The following TOX variants were observed in gnomAD, a reference collection of about 807,000 sequenced individuals.
TOX encodes the protein thymocyte selection associated high mobility group box.
Under a neutral mutation model 53.7 loss-of-function variants are expected in TOX, and 11 were observed. The observed-to-expected ratio is 0.20, with a 90% CI of 0.13 to 0.34. TOX has a LOEUF of 0.34. TOX is among the 10% of genes least tolerant of loss of function. TOX has a pLI of 1.00. For missense variants in TOX, 570 were observed against 664.6 expected, an observed-to-expected ratio of 0.86 and a Z score of 1.56; for synonymous variants, 225 against 245.3, an observed-to-expected ratio of 0.92 and a Z score of 0.77.
At chr8:59,051,339 C>T (rs527872263) in intron 1 of TOX, among the ~76,000 whole-genome samples, 2 of 152,186 alleles carry the variant, frequency 1.3e-5, no homozygotes, top group African/African-American at 4.8e-5. Context: ...CTAGAACAAT[C>T]CCTAAAACCT....
At chr8:58,881,723 C>CA (rs11316154) in intron 3 of TOX, among the ~76,000 whole-genome samples, 3,110 of 82,180 alleles carry the variant, frequency 0.038, 180 homozygotes, top group African/African-American at 0.1. Flanking sequence ...GATTCCATCT[C>CA]AAAAAAAAAA....
rs1805156066 is a variant in TOX at position 59,118,808 on chromosome 8, G to A, written c.102+78C>T. The A allele has an allele frequency of 2.5e-6, 3 of 1,212,458 alleles. No individual in the cohort carries two copies. The East Asian group carries it at 8.9e-5, about 36-fold the overall frequency. 75.1% of individuals were successfully genotyped at this position (1,212,458 alleles called of 1,614,324 possible). ...GACCGGCCTCCGCCAAGCCGGCCCC[G>A]CCGCGGCCCGGCCACCGCCGCTCCC... On this transcript the variant is annotated intron_variant, in intron 1 of 8. Coordinates refer to ENST00000361421, the MANE Select transcript of TOX (RefSeq NM_014729.3). The surrounding 1 kb of genome is among the most constrained non-coding windows in gnomAD (Gnocchi z 4.1).
At chr8:59,110,786 A>G (rs1805003178) in intron 1 of TOX, among the ~76,000 whole-genome samples, 1 of 151,986 alleles carries the variant, frequency 6.6e-6, no homozygotes, top group Admixed American at 6.6e-5. Context: ...CTGTACCTAC[A>G]GAGACCCCAT....
intron 1 of TOX, among the ~76,000 whole-genome samples, chr8:58,988,550 C>G (rs1484695053): frequency 6.6e-6 from 1 of 152,164 alleles, no homozygotes; most frequent in African/African-American, 2.4e-5. Context: ...ATTAACAAGT[C>G]ACATTTGTTA....
intron 3 of TOX, among the ~76,000 whole-genome samples, chr8:58,905,745 C>A (rs915969397): frequency 1.3e-5 from 2 of 152,168 alleles, no homozygotes. Context: ...TTTATACTGA[C>A]GGAAGTGTAG....
chr8:58,946,282 T>C (rs1043361325), intron 2 of TOX, among the ~76,000 whole-genome samples: 1 of 152,156 alleles, frequency 6.6e-6, no homozygotes, highest in African/African-American at 2.4e-5. Context: ...AGAAAAATAA[T>C]AAGCTTCCTC....
intron 3 of TOX, among the ~76,000 whole-genome samples, chr8:58,879,133 T>C (rs1811339837): frequency 6.7e-6 from 1 of 148,716 alleles, no homozygotes; most frequent in Non-Finnish European, 1.5e-5. Flanking sequence ...AGAAGGAAAA[T>C]GCATAAAATC....
In TOX at chr8:59,118,310, C is replaced by A. The variant is rs1245427096; in HGVS notation, c.102+576G>T. Among the ~76,000 whole-genome samples the A allele has an allele frequency of 6.6e-6, 1 of 152,238 alleles. No homozygotes were observed. Among genetic ancestry groups the A allele is most frequent in the Non-Finnish European group, 1.5e-5 (1 of 68,040 alleles). The stretch of plus-strand genomic sequence containing the variant: ...GTGCTCTGGCCCGCGGACCTGTGTC[C>A]GAACCCGGGCTCGGCTGCCGGAACC... On this transcript the variant is annotated intron_variant, in intron 1 of 8. Coordinates refer to ENST00000361421, the MANE Select transcript of TOX (RefSeq NM_014729.3). The surrounding 1 kb of genome is among the most constrained non-coding windows in gnomAD (Gnocchi z 4.1).
At position 58,965,894 on chromosome 8, in the gene TOX, GTTTTTTTTTTT is replaced by G. The variant is rs67045037; in HGVS notation, c.103-5897_103-5887del. 4.0e-4 allele frequency among the ~76,000 whole-genome samples: 20 copies of G among 49,630 alleles called. No homozygotes were observed. The East Asian group carries it at 4.8e-3, about 12-fold the overall frequency. The allele number at this position is 49,630 out of a possible 152,430, so 32.6% of individuals were successfully genotyped here. On this transcript the variant is annotated intron_variant, in intron 1 of 8. Transcript: ENST00000361421. ...GCCCAGTATAAGATTACGAGTCATC[GTTTTTTTTTTT>G]TTTTTTTTTTTTTTTTTTTTGGTAA...
chr8:58,807,795 G>C lies in TOX; in HGVS notation c.1545-12C>G. The C allele has an allele frequency of 6.2e-7, 1 of 1,614,016 alleles. No homozygotes were observed. Among genetic ancestry groups the C allele is most frequent in the East Asian group, 2.2e-5 (1 of 44,870 alleles). ...CCCTCTGCATGCCCCTGTAGGAAGAGAAAAAAGACAGTTCCTTGTTACAGG... is the reference window on the plus strand; with the variant it reads ...CCCTCTGCATGCCCCTGTAGGAAGACAAAAAAGACAGTTCCTTGTTACAGG... On this transcript the variant is annotated splice_polypyrimidine_tract_variant and intron_variant, in intron 8 of 8. Transcript: ENST00000361421.
intron 1 of TOX, among the ~76,000 whole-genome samples, chr8:59,030,188 A>G (rs1004988118): frequency 6.6e-6 from 1 of 152,188 alleles, no homozygotes; most frequent in African/African-American, 2.4e-5. Flanking sequence ...TAAACTGTCT[A>G]TTGTAGAGGT....
intron 2 of TOX, among the ~76,000 whole-genome samples, chr8:58,948,811 T>G (rs1812569076): frequency 6.6e-6 from 1 of 152,142 alleles, no homozygotes; most frequent in Admixed American, 6.5e-5. Flanking sequence ...ATAACCCATG[T>G]TAACTAGCTT....
At chr8:58,853,874 T>C (rs1056981326) in intron 3 of TOX, among the ~76,000 whole-genome samples, 1 of 152,190 alleles carries the variant, frequency 6.6e-6, no homozygotes, top group Non-Finnish European at 1.5e-5. Context: ...GAGGGTACCA[T>C]GAAAATTAGG....
intron 1 of TOX, among the ~76,000 whole-genome samples, chr8:59,045,564 A>C (rs1306625747): frequency 1.3e-5 from 2 of 152,198 alleles, no homozygotes; most frequent in Admixed American, 6.5e-5. Context: ...GGTCTGTAGA[A>C]TACAGCAAGG....
At chr8:59,109,784 C>T (rs1184967711) in intron 1 of TOX, among the ~76,000 whole-genome samples, 5 of 152,034 alleles carry the variant, frequency 3.3e-5, no homozygotes, top group East Asian at 1.9e-4. Context: ...TGGTAATCGC[C>T]GACGAAAACA....
chr8:58,878,928 GC>G (rs1399628444), intron 3 of TOX, among the ~76,000 whole-genome samples: 1 of 151,896 alleles, frequency 6.6e-6, no homozygotes, highest in Non-Finnish European at 1.5e-5. Flanking sequence ...AGGTGTGGTG[GC>G]GCAAACCTGT....
chr8:58,915,431 A>C (rs1167052900), intron 3 of TOX, among the ~76,000 whole-genome samples: 6 of 101,488 alleles, frequency 5.9e-5, no homozygotes, highest in African/African-American at 8.1e-5. Context: ...GGCACCCCCC[A>C]GCAGGGGCAC....
intron 1 of TOX, among the ~76,000 whole-genome samples, chr8:59,044,741 G>A (rs367577239): frequency 5.3e-5 from 8 of 152,130 alleles, no homozygotes; most frequent in Middle Eastern, 3.4e-3. Context: ...TCACACCTGC[G>A]TAAAGACTGG....
At chr8:59,025,596 A>G (rs1354870356) in intron 1 of TOX, among the ~76,000 whole-genome samples, 2 of 152,048 alleles carry the variant, frequency 1.3e-5, no homozygotes, top group African/African-American at 4.8e-5. Flanking sequence ...ACACCTACTG[A>G]TCACACCGCT....
Sources: allele counts gnomAD v4.1 joint callset (sites outside exome capture counted in the v4.1 genomes callset), GRCh38; gene constraint gnomAD v4.1.1; non-coding constraint Gnocchi (gnomAD v3.1); transcripts MANE v1.5; gene names NCBI Gene and HGNC (gene_info 2026-07-23, HGNC 2026-07-21).